Variants in ADK observed in about 807,000 individuals in gnomAD.
ADK encodes adenosine kinase, also known as N6,N6-dimethyladenosine kinase.
Under a neutral mutation model 44.7 loss-of-function variants are expected in ADK, and 24 were observed. The observed-to-expected ratio is 0.54, with a 90% CI of 0.39 to 0.76. ADK has a LOEUF of 0.76. Ranked by LOEUF, ADK falls within the 30% of genes least tolerant of loss-of-function variation. The pLI, the probability that ADK is intolerant of heterozygous loss-of-function variation, is 0.00. For missense variants in ADK, 321 were observed against 425.1 expected, an observed-to-expected ratio of 0.76 and a Z score of 2.15; for synonymous variants, 128 against 142.6, an observed-to-expected ratio of 0.90 and a Z score of 0.73.
intron 9 of ADK, among the ~76,000 whole-genome samples, chr10:74,617,888 G>A (rs1317682473): frequency 6.6e-6 from 1 of 152,118 alleles, no homozygotes; most frequent in Non-Finnish European, 1.5e-5. Context: ...CACCATGCCA[G>A]CCTTGCTTTA....
intron 6 of ADK, among the ~76,000 whole-genome samples, chr10:74,499,035 C>T (rs1292743855): frequency 1.3e-5 from 2 of 151,966 alleles, no homozygotes; most frequent in Non-Finnish European, 2.9e-5. Context: ...AACTCTTTAC[C>T]CTGACATGTA....
At chr10:74,549,203 T>TA in intron 7 of ADK, among the ~76,000 whole-genome samples, 1 of 152,190 alleles carries the variant, frequency 6.6e-6, no homozygotes, top group Non-Finnish European at 1.5e-5. Context: ...ATATAATACT[T>TA]ACATTCTGAA....
intron 7 of ADK, among the ~76,000 whole-genome samples, chr10:74,570,804 G>C (rs1850925702): frequency 1.3e-5 from 2 of 152,000 alleles, no homozygotes. Flanking sequence ...GATTGCCCTG[G>C]CCAGAACTTC....
chr10:74,596,153 A>T (rs1370047260), intron 8 of ADK, among the ~76,000 whole-genome samples: 5 of 149,120 alleles, frequency 3.4e-5, no homozygotes, highest in Non-Finnish European at 4.4e-5. Flanking sequence ...TTTTGTGATA[A>T]AAAAAAACAA....
At chr10:74,524,356 T>C (rs1352530636) in intron 6 of ADK, among the ~76,000 whole-genome samples, 1 of 152,240 alleles carries the variant, frequency 6.6e-6, no homozygotes, top group Non-Finnish European at 1.5e-5. Context: ...TCCTCAAAAA[T>C]CAATTTAGAT....
At chr10:74,300,264 TTCCTTCCTTCC>T (rs1839966610) in intron 3 of ADK, among the ~76,000 whole-genome samples, 1 of 25,814 alleles carries the variant, frequency 3.9e-5, no homozygotes, top group African/African-American at 1.2e-4. Flanking sequence ...CCTTGTTTCC[TTCCTTCCTTCC>T]TTCCTTCCTT....
At chr10:74,276,813 T>C (rs1273269009) in intron 3 of ADK, among the ~76,000 whole-genome samples, 4 of 152,238 alleles carry the variant, frequency 2.6e-5, no homozygotes, top group Non-Finnish European at 4.4e-5. Context: ...TATGGGATTG[T>C]GTGTTTTAAA....
chr10:74,601,698 G>GT (rs574289157), intron 9 of ADK, among the ~76,000 whole-genome samples: 61 of 147,062 alleles, frequency 4.1e-4, no homozygotes, highest in South Asian at 6.5e-4. Flanking sequence ...AGAAAGAAAA[G>GT]TTTTTTTTTT....
At chr10:74,318,318 A>G (rs1840698529) in intron 4 of ADK, among the ~76,000 whole-genome samples, 1 of 151,812 alleles carries the variant, frequency 6.6e-6, no homozygotes, top group Non-Finnish European at 1.5e-5. Context: ...GGCACACCCT[A>G]CCATACCTGG....
intron 3 of ADK, among the ~76,000 whole-genome samples, chr10:74,283,937 C>T (rs1008243315): frequency 6.6e-6 from 1 of 151,662 alleles, no homozygotes; most frequent in Non-Finnish European, 1.5e-5. Flanking sequence ...GCCTAGGCCT[C>T]CCAAAGTGCT....
At chr10:74,648,844 G>A (rs1367150298) in intron 9 of ADK, among the ~76,000 whole-genome samples, 1 of 152,078 alleles carries the variant, frequency 6.6e-6, no homozygotes, top group Non-Finnish European at 1.5e-5. Context: ...AGATTGTTAT[G>A]AATTTAGGAT....
At chr10:74,489,804 A>G (rs961261543) in intron 6 of ADK, among the ~76,000 whole-genome samples, 2 of 152,026 alleles carry the variant, frequency 1.3e-5, no homozygotes, top group Non-Finnish European at 2.9e-5. Flanking sequence ...GAATGCACAG[A>G]TTTTTAAAGA....
At chr10:74,482,448 T>G (rs1847107721) in intron 6 of ADK, among the ~76,000 whole-genome samples, 1 of 152,188 alleles carries the variant, frequency 6.6e-6, no homozygotes, top group South Asian at 2.1e-4. Flanking sequence ...GCAGCTTGGG[T>G]GGGGACACAG....
At chr10:74,335,199 A>G (rs556547610) in intron 4 of ADK, among the ~76,000 whole-genome samples, 9 of 152,118 alleles carry the variant, frequency 5.9e-5, no homozygotes, top group South Asian at 2.1e-4. Flanking sequence ...ACTTTCTCCA[A>G]TTTAGCCTCT....
chr10:74,372,677 A>T (rs1287605773), intron 4 of ADK, among the ~76,000 whole-genome samples: 1 of 152,204 alleles, frequency 6.6e-6, no homozygotes, highest in Non-Finnish European at 1.5e-5. Flanking sequence ...TACTCTAAAA[A>T]CTACATAACA....
intron 6 of ADK, among the ~76,000 whole-genome samples, chr10:74,411,334 T>A (rs746954446): frequency 6.6e-5 from 10 of 152,224 alleles, no homozygotes; most frequent in Non-Finnish European, 1.3e-4. Context: ...ATAATTTTAT[T>A]TGAGAGTCAC....
At chr10:74,265,080 A>G (rs1846166092) in intron 3 of ADK, among the ~76,000 whole-genome samples, 1 of 152,068 alleles carries the variant, frequency 6.6e-6, no homozygotes. Flanking sequence ...TGCTGGGATT[A>G]CAGTTGTGAG....
intron 3 of ADK, among the ~76,000 whole-genome samples, chr10:74,270,616 GTAGTCCT>G (rs528671752): frequency 1.5e-3 from 235 of 152,278 alleles, no homozygotes; most frequent in African/African-American, 5.3e-3. Context: ...TGGGACCCTT[GTAGTCCT>G]TAGACTATGC....
chr10:74,677,623 C>T (rs1450193622), intron 10 of ADK, among the ~76,000 whole-genome samples: 1 of 152,140 alleles, frequency 6.6e-6, no homozygotes, highest in Admixed American at 6.5e-5. Context: ...GACTTCTTCA[C>T]TCAAAAACCA....
Sources: gnomAD v4.1 joint callset for allele counts (sites outside exome capture counted in the v4.1 genomes callset) on GRCh38, gnomAD v4.1.1 for gene constraint, MANE v1.5 for transcripts, NCBI Gene and HGNC (gene_info 2026-07-23, HGNC 2026-07-21) for gene names.